The following DISC1 variants were observed in gnomAD, a reference collection of about 807,000 sequenced individuals.
DISC1 encodes DISC1 scaffold protein.
Under a neutral mutation model 84.5 loss-of-function variants are expected in DISC1, and 57 were observed. That is an observed-to-expected ratio of 0.67 (90% CI 0.55 to 0.84). The LOEUF (loss-of-function observed/expected upper bound fraction) is 0.84, where lower values mean the gene tolerates loss of function less well. DISC1 is among the 40% of genes least tolerant of loss of function. The probability of loss-of-function intolerance (pLI) is 0.00; values close to 1 mark genes in which losing one functional copy is unlikely to be tolerated. For synonymous variants in DISC1, 411 were observed against 415.2 expected (o/e 0.99, Z 0.12); for missense variants, 1,000 against 1,057.8 (o/e 0.95, Z 0.76).
At chr1:231,848,426 C>A (rs2083618120) in intron 9 of DISC1, among the ~76,000 whole-genome samples, 2 of 152,118 alleles carry the variant, frequency 1.3e-5, no homozygotes, top group African/African-American at 4.8e-5. Context: ...TAGGGTGGTG[C>A]TTCTCAAACT....
chr1:231,670,279 G>A (rs921446606), intron 1 of DISC1, among the ~76,000 whole-genome samples: 2 of 152,152 alleles, frequency 1.3e-5, no homozygotes, highest in African/African-American at 4.8e-5. Context: ...TAATACCTGG[G>A]TGATGAAATA....
At chr1:231,671,953 T>G (rs202204949) in intron 1 of DISC1, among the ~76,000 whole-genome samples, 32 of 152,204 alleles carry the variant, frequency 2.1e-4, no homozygotes, top group Non-Finnish European at 4.0e-4. Flanking sequence ...CAATAAACTT[T>G]CCTCCCCAAT....
At chr1:231,676,989 T>C (rs541965097) in intron 1 of DISC1, among the ~76,000 whole-genome samples, 2 of 152,330 alleles carry the variant, frequency 1.3e-5, no homozygotes, top group Non-Finnish European at 2.9e-5. Context: ...ATGTCACTTT[T>C]CCCCTTAACC....
intron 9 of DISC1, 81 bp from the exon 10 acceptor site, chr1:231,958,747 G>T (rs1438753262): frequency 7.2e-6 from 10 of 1,395,464 alleles, no homozygotes; most frequent in Non-Finnish European, 1.0e-5. Flanking sequence ...CAATCCTTTG[G>T]CTTTGAGCTT....
At chr1:231,813,492 G>A (rs115150702) in intron 8 of DISC1, 28 of 152,334 alleles carry the variant, frequency 1.8e-4, no homozygotes, top group South Asian at 1.2e-3. Context: ...TGTGGCATGC[G>A]GTAGGGGGCT....
intron 8 of DISC1, among the ~76,000 whole-genome samples, chr1:231,817,411 A>G (rs967437709): frequency 2.4e-4 from 37 of 152,340 alleles, no homozygotes; most frequent in African/African-American, 8.9e-4. Context: ...GAATAAGCAC[A>G]TAAATTTCTA....
intron 9 of DISC1, among the ~76,000 whole-genome samples, chr1:231,907,692 T>A (rs1371065054): frequency 4.6e-5 from 7 of 152,216 alleles, no homozygotes; most frequent in Admixed American, 6.5e-5. Context: ...ATATACCCAG[T>A]AATGGGATGG....
Position 232,036,732 on chromosome 1 carries a change from GCAGGCCATGAT to G in DISC1, c.2468_2478del (p.Gln823ProfsTer56), listed in dbSNP as rs1670553784. 1.9e-6 allele frequency: 3 copies of G among 1,606,992 alleles called. No individual in the cohort carries two copies. In the African/African-American group the frequency reaches 4.0e-5, roughly 21 times the overall value. On this transcript the variant is annotated frameshift_variant, in exon 13 of 13. Transcript: ENST00000439617. LOFTEE classifies it high-confidence loss of function. ...AGCTCCAGATGGTGAAGGAAACTCT[GCAGGCCATGAT>G]CCTGCAGCTCCAGCCAGCAAAGGAG...
chr1:231,905,796 G>T (rs2088587080), intron 9 of DISC1, among the ~76,000 whole-genome samples: 1 of 151,950 alleles, frequency 6.6e-6, no homozygotes, highest in African/African-American at 2.4e-5. Flanking sequence ...AGGATTCGAT[G>T]GTAGTAGTCT....
intron 10 of DISC1, among the ~76,000 whole-genome samples, chr1:231,990,284 C>G (rs200886000): frequency 2.9e-4 from 44 of 152,044 alleles, no homozygotes; most frequent in African/African-American, 1.0e-3. Flanking sequence ...TCAGAGAGTC[C>G]TGGCCACCAC....
chr1:231,873,775 G>A (rs2085641324), intron 9 of DISC1, among the ~76,000 whole-genome samples: 1 of 152,156 alleles, frequency 6.6e-6, no homozygotes, highest in Non-Finnish European at 1.5e-5. Context: ...GTTGTCAGAG[G>A]GGTTCTGTGT....
intron 7 of DISC1, 84 bp downstream of exon 7, chr1:231,795,380 C>G: frequency 8.2e-7 from 1 of 1,223,342 alleles, no homozygotes; most frequent in Non-Finnish European, 1.2e-6. Flanking sequence ...CTTAGGATAC[C>G]TGGCTTCTGC....
chr1:231,953,918 C>A (rs1018940186), intron 9 of DISC1, among the ~76,000 whole-genome samples: 2 of 152,132 alleles, frequency 1.3e-5, no homozygotes, highest in African/African-American at 4.8e-5. Context: ...AATCTGATAG[C>A]AAGTCTGCCT....
intron 9 of DISC1, among the ~76,000 whole-genome samples, chr1:231,824,819 G>C (rs2081742244): frequency 6.6e-6 from 1 of 152,102 alleles, no homozygotes; most frequent in Non-Finnish European, 1.5e-5. Flanking sequence ...AATTTTATCT[G>C]AGTCTCAGTT....
At chr1:231,879,638 G>A (rs2086148261) in intron 9 of DISC1, among the ~76,000 whole-genome samples, 1 of 151,670 alleles carries the variant, frequency 6.6e-6, no homozygotes, top group East Asian at 2.0e-4. Flanking sequence ...GAGATGGGTG[G>A]GGAAATGGCT....
intron 9 of DISC1, among the ~76,000 whole-genome samples, chr1:231,893,221 G>A (rs916453378): frequency 2.6e-5 from 4 of 151,984 alleles, no homozygotes; most frequent in Admixed American, 2.0e-4. Flanking sequence ...AATAAAATCA[G>A]AGGGTACATT....
chr1:231,990,406 C>T (rs1490812787), intron 10 of DISC1, among the ~76,000 whole-genome samples: 2 of 152,080 alleles, frequency 1.3e-5, no homozygotes, highest in Admixed American at 1.3e-4. Flanking sequence ...CAGGCACCAC[C>T]CTCCACAGCT....
chr1:231,678,923 G>A (rs1434515156), intron 1 of DISC1, among the ~76,000 whole-genome samples: 2 of 142,562 alleles, frequency 1.4e-5, no homozygotes, highest in East Asian at 1.9e-4. Context: ...TGATCCACCC[G>A]CCTCAGCCTC....
chr1:231,680,176 C>G (rs557235379), intron 1 of DISC1, among the ~76,000 whole-genome samples: 1 of 151,986 alleles, frequency 6.6e-6, no homozygotes, highest in South Asian at 2.1e-4. Context: ...TGTAGTGAGC[C>G]GAGATCGTGC....
Sources: gnomAD v4.1 joint callset for allele counts (sites outside exome capture counted in the v4.1 genomes callset) on GRCh38, gnomAD v4.1.1 for gene constraint, MANE v1.5 for transcripts, NCBI Gene and HGNC (gene_info 2026-07-23, HGNC 2026-07-21) for gene names.